Variants in UVRAG observed in about 807,000 individuals in gnomAD.
The protein encoded by UVRAG is UV radiation resistance-associated gene protein.
In UVRAG, 19 loss-of-function variants were observed where a neutral mutation model predicts 78.0. That is an observed-to-expected ratio of 0.24 (90% CI 0.17 to 0.36). The LOEUF (loss-of-function observed/expected upper bound fraction) is 0.36. Among genes scored for constraint, UVRAG ranks in the 10% least tolerant of loss-of-function variants. The pLI is 1.00. For synonymous variants in UVRAG, 323 were observed against 324.6 expected, an observed-to-expected ratio of 1.00 and a Z score of 0.05; for missense variants, 740 against 853.8, an observed-to-expected ratio of 0.87 and a Z score of 1.66.
At chr11:76,132,059 G>A (rs1290064121) in intron 14 of UVRAG, among the ~76,000 whole-genome samples, 1 of 152,204 alleles carries the variant, frequency 6.6e-6, no homozygotes, top group Non-Finnish European at 1.5e-5. Flanking sequence ...CCCGCTTTTG[G>A]CACTCTGTGC....
intron 1 of UVRAG, among the ~76,000 whole-genome samples, chr11:75,821,904 A>G (rs1945396649): frequency 1.4e-5 from 2 of 147,470 alleles, no homozygotes; most frequent in Admixed American, 1.4e-4. Flanking sequence ...TGCCATTTTC[A>G]TATATTACGT....
intron 8 of UVRAG, among the ~76,000 whole-genome samples, chr11:75,989,827 A>G (rs962327880): frequency 6.6e-6 from 1 of 152,222 alleles, no homozygotes; most frequent in African/African-American, 2.4e-5. Flanking sequence ...TTGCACTTTT[A>G]TGGTATCCTT....
intron 7 of UVRAG, among the ~76,000 whole-genome samples, chr11:75,966,653 A>G (rs1238186419): frequency 6.6e-6 from 1 of 152,122 alleles, no homozygotes; most frequent in Non-Finnish European, 1.5e-5. Flanking sequence ...CTGACTCTTC[A>G]TATATTGGGT....
At chr11:76,087,497 T>C (rs1951609105) in intron 13 of UVRAG, among the ~76,000 whole-genome samples, 1 of 152,098 alleles carries the variant, frequency 6.6e-6, no homozygotes, top group Admixed American at 6.5e-5. Flanking sequence ...CAGATGATAA[T>C]CATAATTACT....
At chr11:75,879,076 T>C (rs1462320614) in intron 3 of UVRAG, among the ~76,000 whole-genome samples, 2 of 152,230 alleles carry the variant, frequency 1.3e-5, no homozygotes, top group African/African-American at 4.8e-5. Flanking sequence ...GACGGTTCTC[T>C]TAATGAGAAA....
At chr11:76,062,612 T>G (rs898203696) in intron 12 of UVRAG, among the ~76,000 whole-genome samples, 1 of 152,176 alleles carries the variant, frequency 6.6e-6, no homozygotes, top group Non-Finnish European at 1.5e-5. Context: ...AATACTGACT[T>G]CTGTTCCCCT....
chr11:75,859,591 G>A lies in UVRAG; in HGVS notation c.236-2155G>A, dbSNP rs1327407774. The stretch of plus-strand genomic sequence containing the variant: ...GTAACAACCCTATTATATTCCAGGT[G>A]TCATTCTCCTTTGAAAGATGAAGAA... On this transcript the variant is annotated intron_variant, in intron 2 of 14. Coordinates refer to ENST00000356136, the MANE Select transcript of UVRAG (RefSeq NM_003369.4). Among the ~76,000 whole-genome samples the A allele has an allele frequency of 1.3e-5, 2 of 151,936 alleles. 1 individual carries two copies. The highest frequency in any genetic ancestry group is 3.8e-4 in the East Asian group (2 of 5,196).
chr11:76,102,475 A>T (rs145587312), intron 13 of UVRAG, among the ~76,000 whole-genome samples: 19 of 152,258 alleles, frequency 1.2e-4, no homozygotes, highest in African/African-American at 4.3e-4. Flanking sequence ...TGGGGCCAAG[A>T]CTGGGGGTTT....
chr11:76,092,647 T>C lies in UVRAG; in HGVS notation c.1306-23277T>C, dbSNP rs190876003. 9.7e-3 allele frequency among the ~76,000 whole-genome samples: 1,478 copies of C among 152,360 alleles called. 25 individuals are homozygous for C. The highest frequency in any genetic ancestry group is 0.033 in the African/African-American group (1,392 of 41,586). On this transcript the variant is annotated intron_variant, in intron 13 of 14. Transcript: ENST00000356136. ...TGCATAAATGTCTTCTTTTGAGAAG[T>C]GTCTGTTCATATCCTTCACCCACTT...
In UVRAG at chr11:75,974,330, T is replaced by A. The variant is rs1203002499; in HGVS notation, c.700-9057T>A. Among the ~76,000 whole-genome samples the A allele has an allele frequency of 3.5e-3, 535 of 151,704 alleles. 2 individuals are homozygous for A. Among genetic ancestry groups the A allele is most frequent in the Non-Finnish European group, 6.3e-3 (426 of 67,822 alleles). ...TGATGATGAGCATTTTTAATGTGTC[T>A]GTTGGCTGCATAAATGTCTTCTTTT... On this transcript the variant is annotated intron_variant, in intron 7 of 14. Coordinates refer to ENST00000356136, the MANE Select transcript of UVRAG (RefSeq NM_003369.4).
intron 5 of UVRAG, among the ~76,000 whole-genome samples, chr11:75,896,604 T>C (rs1947349337): frequency 6.6e-6 from 1 of 152,232 alleles, no homozygotes; most frequent in Non-Finnish European, 1.5e-5. Context: ...ACATCTCTAA[T>C]GCTTACCATT....
At chr11:75,836,396 A>C (rs895528926) in intron 1 of UVRAG, among the ~76,000 whole-genome samples, 1 of 152,242 alleles carries the variant, frequency 6.6e-6, no homozygotes, top group Non-Finnish European at 1.5e-5. Context: ...CACATTGTTA[A>C]TAAGTAGCAA....
At chr11:76,017,409 A>C (rs1177736209) in intron 12 of UVRAG, among the ~76,000 whole-genome samples, 1 of 152,200 alleles carries the variant, frequency 6.6e-6, no homozygotes, top group Non-Finnish European at 1.5e-5. Context: ...ATAGGTCAGC[A>C]GAAAATACAA....
intron 3 of UVRAG, among the ~76,000 whole-genome samples, chr11:75,862,503 C>T (rs1210812198): frequency 6.6e-6 from 1 of 152,164 alleles, no homozygotes; most frequent in African/African-American, 2.4e-5. Context: ...GCTTTTCCAC[C>T]TCATCTCCTC....
At chr11:76,091,982 C>A (rs541294692) in intron 13 of UVRAG, among the ~76,000 whole-genome samples, 1 of 152,162 alleles carries the variant, frequency 6.6e-6, no homozygotes, top group East Asian at 1.9e-4. Context: ...TTTCCCTCCC[C>A]CTTCCCCCGA....
At chr11:76,076,802 GTATTTATT>G (rs140240744) in intron 13 of UVRAG, among the ~76,000 whole-genome samples, 46 of 147,632 alleles carry the variant, frequency 3.1e-4, no homozygotes, top group Admixed American at 8.0e-4. Flanking sequence ...AAATTAGGTT[GTATTTATT>G]TATTTATTTA....
At chr11:75,989,615 TGCTTTTATGA>T (rs1744528767) in intron 8 of UVRAG, among the ~76,000 whole-genome samples, 1 of 152,248 alleles carries the variant, frequency 6.6e-6, no homozygotes, top group South Asian at 2.1e-4. Context: ...CCTCTATACT[TGCTTTTATGA>T]GAACACACTT....
chr11:76,127,978 T>C (rs1952442102), intron 14 of UVRAG, among the ~76,000 whole-genome samples: 1 of 151,392 alleles, frequency 6.6e-6, no homozygotes, highest in Non-Finnish European at 1.5e-5. Flanking sequence ...AGGACTTGAA[T>C]TGGGTTTTAG....
At position 76,050,312 on chromosome 11, in the gene UVRAG, G is replaced by A. The variant is rs115987691; in HGVS notation, c.1227-15398G>A. 9.2e-3 allele frequency among the ~76,000 whole-genome samples: 1,405 copies of A among 152,240 alleles called. 19 individuals carry two copies. Among genetic ancestry groups the A allele is most frequent in the African/African-American group, 0.032 (1,324 of 41,554 alleles). On this transcript the variant is annotated intron_variant, in intron 12 of 14. Coordinates refer to ENST00000356136, the MANE Select transcript of UVRAG (RefSeq NM_003369.4). Reference sequence around the variant, plus strand: ...ACATACCTGAATCTTGAAATCTTCCGTATTGATTCCTGTGTTTTGTTTTTT... The same window carrying A: ...ACATACCTGAATCTTGAAATCTTCCATATTGATTCCTGTGTTTTGTTTTTT...
Sources: allele counts gnomAD v4.1 joint callset (sites outside exome capture counted in the v4.1 genomes callset), GRCh38; gene constraint gnomAD v4.1.1; transcripts MANE v1.5; gene names NCBI Gene and HGNC (gene_info 2026-07-23, HGNC 2026-07-21).